Variants in IPCEF1 observed in about 807,000 individuals in gnomAD.
IPCEF1 encodes interactor protein for cytohesin exchange factors 1.
A neutral mutation model predicts 50.9 loss-of-function variants in IPCEF1; 31 were observed. The observed-to-expected ratio is 0.61, with a 90% confidence interval of 0.46 to 0.82. IPCEF1 has a LOEUF of 0.82. Among genes scored for constraint, IPCEF1 ranks in the 40% least tolerant of loss-of-function variants. IPCEF1 has a pLI of 0.00. For missense variants in IPCEF1, 458 were observed against 514.0 expected (o/e 0.89, Z 1.05); for synonymous variants, 181 against 192.0 (o/e 0.94, Z 0.47).
intron 1 of IPCEF1, among the ~76,000 whole-genome samples, chr6:154,291,691 T>TG (rs1782517885): frequency 6.8e-6 from 1 of 146,950 alleles, no homozygotes; most frequent in African/African-American, 2.5e-5. Context: ...TTTTTTTTTT[T>TG]TTTTTTTTTT....
At chr6:154,223,117 T>G in intron 6 of IPCEF1, 53 bp downstream of exon 6, 1 of 1,331,082 alleles carries the variant, frequency 7.5e-7, no homozygotes, top group South Asian at 1.2e-5. Context: ...GTGAACATTA[T>G]GAAGAGATAG....
chr6:154,335,660 A>C (rs562954392), intron 1 of IPCEF1, among the ~76,000 whole-genome samples: 1 of 152,232 alleles, frequency 6.6e-6, no homozygotes, highest in East Asian at 1.9e-4. Context: ...ACATAGCAAG[A>C]CCCTCATCTC....
intron 9 of IPCEF1, among the ~76,000 whole-genome samples, chr6:154,201,628 C>T (rs1777075812): frequency 6.6e-6 from 1 of 152,196 alleles, no homozygotes; most frequent in African/African-American, 2.4e-5. Context: ...GGCGCGGTGG[C>T]TCATGCCTGT....
At position 154,329,631 on chromosome 6, in the gene IPCEF1, G is replaced by C. The variant is rs188652328; in HGVS notation, c.-62+27041C>G. Among the ~76,000 whole-genome samples the C allele has an allele frequency of 5.3e-3, 758 of 143,496 alleles. 6 individuals are homozygous for C. The highest frequency in any genetic ancestry group is 0.018 in the African/African-American group (705 of 39,502). The allele number at this position is 143,496 out of a possible 152,430, so 94.1% of individuals were successfully genotyped here. ...AAAGAAAGAAAGAGAGAGAGAGAAA[G>C]AAAAAGAAAGAAAGAAAGAAAGATC... is the stretch of plus-strand genomic sequence containing the variant. On this transcript the variant is annotated intron_variant, in intron 1 of 11. Transcript: ENST00000367220.
At chr6:154,241,253 A>AAG (rs931432115) in intron 5 of IPCEF1, among the ~76,000 whole-genome samples, 8 of 150,662 alleles carry the variant, frequency 5.3e-5, no homozygotes, top group South Asian at 2.1e-4. Context: ...AAAAAAAAAA[A>AAG]AGAGAGAGAG....
intron 1 of IPCEF1, among the ~76,000 whole-genome samples, chr6:154,329,701 G>A (rs558560782): frequency 6.6e-6 from 1 of 151,714 alleles, no homozygotes; most frequent in African/African-American, 2.4e-5. Flanking sequence ...TCCTAGATTC[G>A]TCATGCAAAA....
At chr6:154,270,413 G>A (rs1466290901) in intron 2 of IPCEF1, among the ~76,000 whole-genome samples, 1 of 152,262 alleles carries the variant, frequency 6.6e-6, no homozygotes, top group African/African-American at 2.4e-5. Flanking sequence ...ATTAGAATTA[G>A]TTCTCAACTC....
chr6:154,311,178 A>G (rs1055418391), intron 1 of IPCEF1, among the ~76,000 whole-genome samples: 4 of 152,166 alleles, frequency 2.6e-5, no homozygotes, highest in African/African-American at 4.8e-5. Context: ...AAGAAAGAAA[A>G]ACTGCCAGGC....
intron 1 of IPCEF1, among the ~76,000 whole-genome samples, chr6:154,318,321 C>G (rs1010232606): frequency 6.6e-6 from 1 of 152,100 alleles, no homozygotes; most frequent in African/African-American, 2.4e-5. Flanking sequence ...GTGCCTTTCA[C>G]TACATGAAGA....
In IPCEF1 at chr6:154,333,039, T is replaced by C. The variant is rs17085306; in HGVS notation, c.-62+23633A>G. Among the ~76,000 whole-genome samples the C allele has an allele frequency of 7.4e-3, 1,126 of 152,310 alleles. 12 individuals carry two copies. The highest frequency in any genetic ancestry group is 0.017 in the Middle Eastern group (5 of 294). ...CCTGCCTTCTGGAAACTTTAGAAGC[T>C]TAGCCTTGTCTCTCATCTTAGGCTC... On this transcript the variant is annotated intron_variant, in intron 1 of 11. Coordinates refer to ENST00000367220, the MANE Select transcript of IPCEF1 (RefSeq NM_001130700.2).
At chr6:154,353,645 A>AG (rs1784155579) in intron 1 of IPCEF1, among the ~76,000 whole-genome samples, 2 of 152,188 alleles carry the variant, frequency 1.3e-5, no homozygotes, top group African/African-American at 2.4e-5. Flanking sequence ...TAGTTCAGGT[A>AG]TGTTCCACTA....
intron 9 of IPCEF1, among the ~76,000 whole-genome samples, chr6:154,200,427 T>C (rs1016371479): frequency 3.3e-5 from 5 of 152,140 alleles, no homozygotes; most frequent in Non-Finnish European, 5.9e-5. Context: ...AAGATAATTA[T>C]GAAAAAGGAG....
At chr6:154,247,620 C>T in intron 3 of IPCEF1, 132 bp from the exon 4 acceptor site, 1 of 647,882 alleles carries the variant, frequency 1.5e-6, no homozygotes, top group Admixed American at 2.7e-5. Context: ...CCAGGCAGAG[C>T]TTAACGGGGA....
intron 1 of IPCEF1, among the ~76,000 whole-genome samples, chr6:154,297,282 C>T (rs1160513403): frequency 6.6e-6 from 1 of 152,086 alleles, no homozygotes; most frequent in Non-Finnish European, 1.5e-5. Flanking sequence ...TCATGCAATC[C>T]ACCCACCTCA....
chr6:154,242,830 G>C (rs556728481), intron 5 of IPCEF1, among the ~76,000 whole-genome samples: 242 of 152,256 alleles, frequency 1.6e-3, no homozygotes, highest in African/African-American at 5.7e-3. Flanking sequence ...AGAGGTTGCA[G>C]TGAGCCGAGA....
intron 1 of IPCEF1, among the ~76,000 whole-genome samples, chr6:154,293,879 G>A (rs1257950132): frequency 6.6e-6 from 1 of 152,166 alleles, no homozygotes; most frequent in East Asian, 1.9e-4. Context: ...AGCAAGAAAT[G>A]TTTCAACTGT....
chr6:154,247,576 T>A, intron 3 of IPCEF1, 88 bp from the exon 4 acceptor site: 3 of 1,111,100 alleles, frequency 2.7e-6, no homozygotes, highest in Non-Finnish European at 4.1e-6. Context: ...GGTGGCAGTG[T>A]TTATGAGCAG....
chr6:154,189,637 A>T (rs951274350), intron 10 of IPCEF1, among the ~76,000 whole-genome samples: 1 of 152,218 alleles, frequency 6.6e-6, no homozygotes, highest in African/African-American at 2.4e-5. Flanking sequence ...CCCAGATTTG[A>T]TCATTACACT....
intron 5 of IPCEF1, among the ~76,000 whole-genome samples, chr6:154,234,808 C>T (rs1342935361): frequency 6.6e-6 from 1 of 152,168 alleles, no homozygotes; most frequent in African/African-American, 2.4e-5. Context: ...GGTAGTCTGA[C>T]ATACAAAGAT....
Sources: allele counts gnomAD v4.1 joint callset (sites outside exome capture counted in the v4.1 genomes callset), GRCh38; gene constraint gnomAD v4.1.1; transcripts MANE v1.5; gene names NCBI Gene and HGNC (gene_info 2026-07-23, HGNC 2026-07-21).